OSBPL10: variants seen among roughly 807,000 people sequenced by gnomAD.
The protein encoded by OSBPL10 is oxysterol binding protein like 10.
Under a neutral mutation model 81.7 loss-of-function variants are expected in OSBPL10, and 49 were observed. That is an observed-to-expected ratio of 0.60 (90% CI 0.48 to 0.76). The LOEUF is 0.76. OSBPL10 is among the 30% of genes least tolerant of loss of function. OSBPL10 has a pLI of 0.00. For synonymous variants in OSBPL10, 419 were observed against 383.6 expected (o/e 1.09, Z -1.08); for missense variants, 923 against 987.8 (o/e 0.93, Z 0.88).
chr3:31,778,671 G>A, intron 4 of OSBPL10, among the ~76,000 whole-genome samples: 1 of 152,054 alleles, frequency 6.6e-6, no homozygotes. Context: ...AGCCTTGCAA[G>A]AGATCTAGAC....
At chr3:31,934,934 T>C (rs531757153) in intron 1 of OSBPL10, among the ~76,000 whole-genome samples, 5 of 152,260 alleles carry the variant, frequency 3.3e-5, no homozygotes, top group South Asian at 2.1e-4. Context: ...AGTCCAAAGA[T>C]AGAAACTCCA....
In OSBPL10 at chr3:31,981,068, G is replaced by C; in HGVS notation, c.112C>G (p.Arg38Gly). 1 of 1,490,790 alleles carries C rather than the reference G, an allele frequency of 6.7e-7. No homozygotes were observed. The highest frequency in any genetic ancestry group is 1.3e-5 in the South Asian group (1 of 78,802). The allele number at this position is 1,490,790 out of a possible 1,614,324, so 92.3% of individuals were successfully genotyped here. A position where few individuals can be genotyped will look rare whatever the true frequency, so the allele number is the denominator to read the frequency against. The change falls in exon 1 of 12, where the codon CGG (arginine) becomes GGG (glycine). Residue 38 changes from arginine to glycine, a missense_variant. Physicochemically the swap from Arg to Gly is moderately radical, Grantham distance 125. Coordinates refer to ENST00000396556, the MANE Select transcript of OSBPL10 (RefSeq NM_017784.5). This position sits in a 1 kb window ranked among gnomAD's most constrained non-coding sequence, Gnocchi z 4.5. ...GSSPSCSLAG[R>G]GVSSRSAAAG... Reference sequence around the variant, plus strand: ...GCCGCCGACCGGCTGGAGACCCCCCGGCCCGCCAGAGAGCAGGAGGGCGAG... The same window carrying C: ...GCCGCCGACCGGCTGGAGACCCCCCCGCCCGCCAGAGAGCAGGAGGGCGAG...
At chr3:31,712,920 T>C (rs1575493512) in intron 6 of OSBPL10, among the ~76,000 whole-genome samples, 1 of 116,340 alleles carries the variant, frequency 8.6e-6, no homozygotes, top group Non-Finnish European at 2.3e-5. Context: ...TTGACTTTAA[T>C]TTCTTGCTTA....
At chr3:31,850,505 G>A (rs1433160134) in intron 3 of OSBPL10, among the ~76,000 whole-genome samples, 1 of 152,162 alleles carries the variant, frequency 6.6e-6, no homozygotes, top group African/African-American at 2.4e-5. Flanking sequence ...GAATAGAGTG[G>A]AGGGGCAAAG....
intron 1 of OSBPL10, among the ~76,000 whole-genome samples, chr3:31,942,574 T>C (rs1004217275): frequency 2.0e-5 from 3 of 150,566 alleles, no homozygotes; most frequent in Admixed American, 6.6e-5. Flanking sequence ...TTTCCTCTTA[T>C]ACATTTTTTT....
At chr3:31,864,933 G>T (rs1455653483) in intron 3 of OSBPL10, among the ~76,000 whole-genome samples, 1 of 152,046 alleles carries the variant, frequency 6.6e-6, no homozygotes, top group Admixed American at 6.6e-5. Context: ...GGACCACAGA[G>T]AACATTAGCT....
intron 2 of OSBPL10, among the ~76,000 whole-genome samples, chr3:31,992,445 A>G (rs1277670103): frequency 6.6e-6 from 1 of 152,188 alleles, no homozygotes; most frequent in African/African-American, 2.4e-5. Context: ...CAGTAGAGCC[A>G]TGTTGATTCT....
At chr3:31,972,784 C>T (rs1698600927) in intron 1 of OSBPL10, among the ~76,000 whole-genome samples, 1 of 152,142 alleles carries the variant, frequency 6.6e-6, no homozygotes, top group Admixed American at 6.5e-5. Flanking sequence ...TTTGTATTTT[C>T]ATCAATATAT....
chr3:31,681,720 G>A (rs147410678), intron 8 of OSBPL10, among the ~76,000 whole-genome samples: 33 of 152,100 alleles, frequency 2.2e-4, no homozygotes, highest in African/African-American at 6.0e-4. Flanking sequence ...CAGTCTCCTC[G>A]GCTGGCTGTT....
chr3:31,709,361 A>C (rs1305195647), intron 6 of OSBPL10: 1 of 152,222 alleles, frequency 6.6e-6, no homozygotes, highest in Non-Finnish European at 1.5e-5. Flanking sequence ...GTTTTAAATA[A>C]AACACACCCT....
intron 6 of OSBPL10, chr3:31,708,651 T>C (rs1046320847): frequency 4.5e-6 from 4 of 884,932 alleles, no homozygotes; most frequent in Non-Finnish European, 5.4e-6. Flanking sequence ...GTATCTCCCC[T>C]GAGGACACAG....
intron 5 of OSBPL10, among the ~76,000 whole-genome samples, chr3:31,740,040 T>C (rs1482008387): frequency 2.2e-5 from 3 of 139,310 alleles, no homozygotes; most frequent in Non-Finnish European, 4.6e-5. Context: ...TGGCTATGAA[T>C]AATACTTTTT....
intron 7 of OSBPL10, among the ~76,000 whole-genome samples, chr3:31,701,461 A>C (rs978767681): frequency 1.3e-5 from 2 of 152,200 alleles, no homozygotes; most frequent in Admixed American, 1.3e-4. Context: ...CGTAAGGATA[A>C]GATGGTGACG....
chr3:31,941,027 TG>T (rs1697523178), intron 1 of OSBPL10, among the ~76,000 whole-genome samples: 1 of 152,162 alleles, frequency 6.6e-6, no homozygotes, highest in South Asian at 2.1e-4. Flanking sequence ...AGTTATTTGC[TG>T]AGGGTGTGCC....
chr3:31,896,864 G>C (rs1449667191), intron 1 of OSBPL10, among the ~76,000 whole-genome samples: 1 of 152,160 alleles, frequency 6.6e-6, no homozygotes, highest in African/African-American at 2.4e-5. Flanking sequence ...GGGAGGAAAG[G>C]CAGGGAGTTA....
intron 3 of OSBPL10, among the ~76,000 whole-genome samples, chr3:31,855,183 G>A (rs779871441): frequency 7.0e-6 from 1 of 142,386 alleles, no homozygotes; most frequent in Admixed American, 6.9e-5. Context: ...TGCCACCCTG[G>A]CTAATTTTTA....
At chr3:31,790,854 A>T (rs1175386118) in intron 4 of OSBPL10, among the ~76,000 whole-genome samples, 1 of 152,176 alleles carries the variant, frequency 6.6e-6, no homozygotes, top group African/African-American at 2.4e-5. Context: ...GCACATAAAG[A>T]TCTACTGCAT....
chr3:31,841,463 C>T (rs1700496590), intron 3 of OSBPL10, among the ~76,000 whole-genome samples: 1 of 152,210 alleles, frequency 6.6e-6, no homozygotes, highest in South Asian at 2.1e-4. Flanking sequence ...TGCTGTCATT[C>T]CAGTCACTGA....
At chr3:31,697,599 A>T (rs569233050) in intron 7 of OSBPL10, among the ~76,000 whole-genome samples, 26 of 152,322 alleles carry the variant, frequency 1.7e-4, no homozygotes, top group African/African-American at 5.8e-4. Context: ...TAATAATAAT[A>T]ATTATTCTAG....
Sources: gnomAD v4.1 joint callset for allele counts (sites outside exome capture counted in the v4.1 genomes callset) on GRCh38, gnomAD v4.1.1 for gene constraint, Gnocchi (gnomAD v3.1) non-coding constraint, MANE v1.5 for transcripts, NCBI Gene and HGNC (gene_info 2026-07-23, HGNC 2026-07-21) for gene names.